STK31: variants seen among roughly 807,000 people sequenced by gnomAD.
STK31 encodes the protein serine/threonine kinase 31.
STK31 carries 89 observed loss-of-function variants against 129.7 expected under a neutral mutation model. The observed-to-expected ratio is 0.69, with a 90% confidence interval of 0.58 to 0.82. The LOEUF (loss-of-function observed/expected upper bound fraction) is 0.82, where lower values mean the gene tolerates loss of function less well. STK31 is among the 40% of genes least tolerant of loss of function. The pLI, the probability that STK31 is intolerant of heterozygous loss-of-function variation, is 0.00. For synonymous variants in STK31, 448 were observed against 395.3 expected, an observed-to-expected ratio of 1.13 and a Z score of -1.58; for missense variants, 1,187 against 1,176.4, an observed-to-expected ratio of 1.01 and a Z score of -0.13.
chr7:23,710,592 T>A (rs1257421952), intron 1 of STK31: 6 of 1,320,970 alleles, frequency 4.5e-6, no homozygotes, highest in Non-Finnish European at 5.8e-6. Context: ...CCACACTCTC[T>A]TCCCCTTCTC....
At chr7:23,749,222 A>G (rs752708663) in intron 8 of STK31, among the ~76,000 whole-genome samples, 1 of 152,168 alleles carries the variant, frequency 6.6e-6, no homozygotes, top group Non-Finnish European at 1.5e-5. Flanking sequence ...TAATTGTTTT[A>G]AATTCATTGT....
At chr7:23,710,129 C>T (rs959702982), upstream of STK31, 7 of 1,345,130 alleles carry the variant, frequency 5.2e-6, no homozygotes, top group Non-Finnish European at 7.2e-6. Context: ...CACGCTTCTT[C>T]CTAGGCGGCA....
At chr7:23,830,466 C>CATTT (rs2128134670) in intron 23 of STK31, among the ~76,000 whole-genome samples, 1 of 152,230 alleles carries the variant, frequency 6.6e-6, no homozygotes, top group South Asian at 2.1e-4. Flanking sequence ...TGTTCTAAGA[C>CATTT]ATTTTCTTAT....
chr7:23,727,930 AG>A (rs1787186141), intron 5 of STK31, among the ~76,000 whole-genome samples: 1 of 152,058 alleles, frequency 6.6e-6, no homozygotes, highest in Non-Finnish European at 1.5e-5. Flanking sequence ...AAGCTTTATA[AG>A]TAGGAGAAGA....
chr7:23,724,396 G>A (rs1786923457), intron 4 of STK31, among the ~76,000 whole-genome samples: 1 of 152,208 alleles, frequency 6.6e-6, no homozygotes, highest in African/African-American at 2.4e-5. Context: ...CAGCTAGAGA[G>A]AGTCTTACTT....
chr7:23,716,340 A>G (rs902482963), intron 3 of STK31, among the ~76,000 whole-genome samples: 1 of 152,182 alleles, frequency 6.6e-6, no homozygotes, highest in Non-Finnish European at 1.5e-5. Flanking sequence ...ATGATGTGAT[A>G]TACCTTCTTA....
chr7:23,820,717 C>T (rs1383746596), intron 23 of STK31, among the ~76,000 whole-genome samples: 1 of 152,184 alleles, frequency 6.6e-6, no homozygotes. Context: ...TGTCATTCAA[C>T]TCTACCTCTA....
chr7:23,828,781 C>T (rs1369181290), intron 23 of STK31, among the ~76,000 whole-genome samples: 1 of 152,182 alleles, frequency 6.6e-6, no homozygotes, highest in Non-Finnish European at 1.5e-5. Flanking sequence ...TTTTATTTTT[C>T]TTGCCTGATT....
At chr7:23,810,770 A>G (rs1371343712) in intron 22 of STK31, among the ~76,000 whole-genome samples, 9 of 107,038 alleles carry the variant, frequency 8.4e-5, no homozygotes, top group Non-Finnish European at 1.3e-4. Context: ...ATAATATATA[A>G]ATATATATTA....
intron 8 of STK31, among the ~76,000 whole-genome samples, chr7:23,751,029 A>G (rs1457165200): frequency 6.6e-6 from 1 of 152,062 alleles, no homozygotes; most frequent in Non-Finnish European, 1.5e-5. Flanking sequence ...TTCTATCCCT[A>G]CCACATCCTT....
At chr7:23,728,798 G>C (rs780833858) in intron 5 of STK31, among the ~76,000 whole-genome samples, 3 of 152,074 alleles carry the variant, frequency 2.0e-5, no homozygotes, top group Non-Finnish European at 4.4e-5. Context: ...AGCTTCATAG[G>C]CTGATGTTTA....
chr7:23,820,794 C>T (rs991137196), intron 23 of STK31, among the ~76,000 whole-genome samples: 2 of 152,212 alleles, frequency 1.3e-5, no homozygotes, highest in African/African-American at 4.8e-5. Flanking sequence ...CTGTGCCTGG[C>T]TTATTTCACT....
intron 15 of STK31, among the ~76,000 whole-genome samples, chr7:23,779,029 C>T (rs573415727): frequency 3.3e-5 from 5 of 151,998 alleles, no homozygotes; most frequent in South Asian, 2.1e-4. Context: ...TTTGTGTGGA[C>T]GTCCTTTTTG....
intron 8 of STK31, among the ~76,000 whole-genome samples, chr7:23,742,637 A>G (rs1788116316): frequency 1.3e-5 from 2 of 152,190 alleles, no homozygotes; most frequent in South Asian, 4.1e-4. Flanking sequence ...TTCCCTGCGT[A>G]CAGTAGCCTT....
chr7:23,832,087 G>T, intron 23 of STK31, 49 bp from the exon 24 acceptor site: 1 of 1,359,020 alleles, frequency 7.4e-7, no homozygotes, highest in Non-Finnish European at 1.0e-6. Flanking sequence ...CTTCATTACA[G>T]ATTTGTCCTT....
At position 23,786,617 on chromosome 7, in the gene STK31, T is replaced by A. The variant is rs746469831; in HGVS notation, c.2384T>A (p.Phe795Tyr). Residue 795 changes from phenylalanine to tyrosine, a missense_variant, in exon 19 of 24, where the codon TTC becomes TAC. Phe to Tyr is a conservative substitution (Grantham distance 22). Around this residue, in one of 5 missense-constraint regions of STK31, gnomAD observed 975 missense variants for 934.9 expected, o/e 1.04. Coordinates refer to ENST00000355870, the MANE Select transcript of STK31 (RefSeq NM_031414.5). Reference protein sequence around the residue: ...EGDSGLLPLIFLFLCKSDPMA... With the variant: ...EGDSGLLPLIYLFLCKSDPMA... ...GACTCAGGGTTACTGCCATTGATAT[T>A]CCTGTTTTTATGTAAGGTAAAGTTC... The A allele has an allele frequency of 1.4e-5, 22 of 1,613,022 alleles. No individual in the cohort carries two copies. The African/African-American group carries it at 2.9e-4, about 22-fold the overall frequency.
intron 23 of STK31, among the ~76,000 whole-genome samples, chr7:23,824,624 C>T (rs1426588371): frequency 6.6e-6 from 1 of 152,182 alleles, no homozygotes; most frequent in Non-Finnish European, 1.5e-5. Context: ...GCCAGAACTT[C>T]CAACACTATG....
At chr7:23,755,197 G>A (rs937840954) in intron 10 of STK31, 2 of 152,064 alleles carry the variant, frequency 1.3e-5, no homozygotes, top group Non-Finnish European at 2.9e-5. Flanking sequence ...ATTCTAACTG[G>A]TATGAGATGG....
At chr7:23,736,386 A>G (rs976040450) in intron 7 of STK31, among the ~76,000 whole-genome samples, 5 of 152,160 alleles carry the variant, frequency 3.3e-5, no homozygotes, top group African/African-American at 4.8e-5. Context: ...TAAATTATCA[A>G]CTTGAAGCAG....
Sources: allele counts gnomAD v4.1 joint callset (sites outside exome capture counted in the v4.1 genomes callset), GRCh38; gene constraint gnomAD v4.1.1; regional missense constraint gnomAD v4.1.1; transcripts MANE v1.5; gene names NCBI Gene and HGNC (gene_info 2026-07-23, HGNC 2026-07-21).